The following NRXN1 variants were observed in gnomAD, a reference collection of about 807,000 sequenced individuals.
NRXN1 encodes neurexin-1.
Under a neutral mutation model 150.9 loss-of-function variants are expected in NRXN1, and 39 were observed. That is an observed-to-expected ratio of 0.26 (90% confidence interval 0.20 to 0.34). The LOEUF (loss-of-function observed/expected upper bound fraction) is 0.34. Ranked by LOEUF, NRXN1 falls within the 10% of genes least tolerant of loss-of-function variation. The pLI, the probability that NRXN1 is intolerant of heterozygous loss-of-function variation, is 1.00. For missense variants in NRXN1, 1,815 were observed against 1,949.9 expected (o/e 0.93, Z 1.30); for synonymous variants, 924 against 757.0 (o/e 1.22, Z -3.62).
At chr2:50,749,624 T>C (rs187919206) in intron 5 of NRXN1, among the ~76,000 whole-genome samples, 78 of 152,200 alleles carry the variant, frequency 5.1e-4, no homozygotes, top group Non-Finnish European at 1.5e-5. Context: ...AGGAAGAATA[T>C]GACACATTTA....
chr2:50,034,749 T>C (rs1413301884), intron 21 of NRXN1, among the ~76,000 whole-genome samples: 1 of 152,102 alleles, frequency 6.6e-6, no homozygotes, highest in Non-Finnish European at 1.5e-5. Flanking sequence ...TGGTTTTGTA[T>C]ATGACTCAAA....
chr2:50,980,936 T>G (rs1696685072), intron 2 of NRXN1, among the ~76,000 whole-genome samples: 3 of 152,056 alleles, frequency 2.0e-5, no homozygotes, highest in Non-Finnish European at 4.4e-5. Flanking sequence ...CTTTAACACT[T>G]TAGGGCAACA....
chr2:50,620,062 C>G lies in NRXN1; in HGVS notation c.1280G>C (p.Gly427Ala). Residue 427 changes from glycine (G) to alanine (A), a missense_variant, in exon 8 of 23, where the codon GGG becomes GCG. Transcript: ENST00000401669. ...GGSPSTADLP[G>A]SPVSNNFMGC... Reference sequence around the variant, plus strand: ...CATAAAGTTGTTACTGACTGGTGACCCTGGAAGGTCGGCTGTGCTGGGACT... The same window carrying G: ...CATAAAGTTGTTACTGACTGGTGACGCTGGAAGGTCGGCTGTGCTGGGACT... The G allele has an allele frequency of 6.2e-7, 1 of 1,610,330 alleles. No individual in the cohort carries two copies. The highest frequency in any genetic ancestry group is 8.5e-7 in the Non-Finnish European group (1 of 1,177,936).
chr2:50,212,076 G>A (rs781780517), intron 18 of NRXN1, among the ~76,000 whole-genome samples: 1 of 151,540 alleles, frequency 6.6e-6, no homozygotes, highest in Non-Finnish European at 1.5e-5. Flanking sequence ...AAAGTTTCCT[G>A]TCCTTAAAAC....
rs61264442 is a variant in NRXN1, at chr2:50,033,969, GAA to G, written c.4128+19300_4128+19301del. Among the ~76,000 whole-genome samples, 468 of 109,946 alleles carry G rather than the reference GAA, an allele frequency of 4.3e-3. 3 individuals are homozygous for G. The highest frequency in any genetic ancestry group is 0.013 in the African/African-American group (418 of 31,466). 72.1% of individuals were successfully genotyped at this position (109,946 alleles called of 152,430 possible). On this transcript the variant is annotated intron_variant, in intron 21 of 22. Transcript: ENST00000401669. ...CCAGAATGGCTATTATTAAAAAGTG[GAA>G]AAAAAAAAAAAAAACAAACAGCAGG...
At chr2:50,948,496 C>A (rs1288613342) in intron 2 of NRXN1, among the ~76,000 whole-genome samples, 3 of 152,090 alleles carry the variant, frequency 2.0e-5, no homozygotes, top group South Asian at 4.1e-4. Context: ...GTACTCTGGG[C>A]AGGTTAATAT....
chr2:50,347,055 G>A lies in NRXN1; in HGVS notation c.3365-110085C>T. The A allele has an allele frequency of 7.3e-7, 1 of 1,378,610 alleles. No individual in the cohort carries two copies. Among genetic ancestry groups the A allele is most frequent in the South Asian group, 1.2e-5 (1 of 81,700 alleles). The allele number at this position is 1,378,610 out of a possible 1,614,324, so 85.4% of individuals were successfully genotyped here. ...GCGGCGCGGAGTGGGCTGAGGGGCC[G>A]GCCGCCTCACCGCGCCAGGGCACCC... is the stretch of plus-strand genomic sequence containing the variant. On this transcript the variant is annotated intron_variant, in intron 17 of 22. Transcript: ENST00000401669. This position sits in a 1 kb window ranked among gnomAD's most constrained non-coding sequence, Gnocchi z 4.9.
chr2:50,951,967 T>A (rs867260465), intron 2 of NRXN1, among the ~76,000 whole-genome samples: 61 of 124,350 alleles, frequency 4.9e-4, no homozygotes, highest in Middle Eastern at 8.3e-3. Context: ...ATATATATTT[T>A]TTTTTTTTTT....
intron 5 of NRXN1, among the ~76,000 whole-genome samples, chr2:50,889,272 T>C (rs570965878): frequency 6.6e-6 from 1 of 151,816 alleles, no homozygotes; most frequent in African/African-American, 2.4e-5. Flanking sequence ...AGACGGGAAG[T>C]GTTCTCTGAG....
chr2:50,393,001 C>T (rs892391891), intron 17 of NRXN1, among the ~76,000 whole-genome samples: 1 of 151,910 alleles, frequency 6.6e-6, no homozygotes, highest in East Asian at 1.9e-4. Context: ...GACATGGAAA[C>T]ATTCCCGGGA....
At chr2:50,324,987 A>T (rs1199400911) in intron 17 of NRXN1, among the ~76,000 whole-genome samples, 1 of 152,178 alleles carries the variant, frequency 6.6e-6, no homozygotes, top group Non-Finnish European at 1.5e-5. Flanking sequence ...TTTCAGGTGG[A>T]AAAAGCCCAC....
At chr2:50,359,231 G>A (rs2079022714) in intron 17 of NRXN1, among the ~76,000 whole-genome samples, 1 of 151,984 alleles carries the variant, frequency 6.6e-6, no homozygotes, top group Non-Finnish European at 1.5e-5. Flanking sequence ...CTGCAAGCAA[G>A]GGAACAAAAC....
intron 5 of NRXN1, among the ~76,000 whole-genome samples, chr2:50,875,551 G>A (rs1208452625): frequency 1.3e-5 from 2 of 151,526 alleles, no homozygotes; most frequent in African/African-American, 2.4e-5. Flanking sequence ...TTTCAAGCTT[G>A]CTCTTGGGAA....
At chr2:50,025,629 G>A (rs573062958) in intron 21 of NRXN1, among the ~76,000 whole-genome samples, 1 of 152,114 alleles carries the variant, frequency 6.6e-6, no homozygotes, top group Non-Finnish European at 1.5e-5. Context: ...AAAATGCTTT[G>A]GGGTATCTAC....
At chr2:50,098,680 T>C (rs1700562371) in intron 18 of NRXN1, among the ~76,000 whole-genome samples, 1 of 152,128 alleles carries the variant, frequency 6.6e-6, no homozygotes, top group South Asian at 2.1e-4. Flanking sequence ...TTATGGGTAC[T>C]GAAATATGAC....
intron 5 of NRXN1, among the ~76,000 whole-genome samples, chr2:50,886,523 G>T (rs1680272569): frequency 1.3e-5 from 2 of 151,412 alleles, no homozygotes; most frequent in South Asian, 4.1e-4. Flanking sequence ...AATCTCATAA[G>T]ATTTGAGATG....
At chr2:50,200,871 T>A (rs1296270679) in intron 18 of NRXN1, among the ~76,000 whole-genome samples, 2 of 152,166 alleles carry the variant, frequency 1.3e-5, no homozygotes, top group Non-Finnish European at 2.9e-5. Flanking sequence ...CGTCTTCCTA[T>A]TTCTTTTTTT....
At chr2:49,930,367 A>G (rs2104172740) in intron 22 of NRXN1, among the ~76,000 whole-genome samples, 1 of 152,276 alleles carries the variant, frequency 6.6e-6, no homozygotes, top group East Asian at 1.9e-4. Context: ...AAGAGTAAAT[A>G]CCTCTAAAAT....
chr2:50,037,260 G>A (rs901444382), intron 21 of NRXN1, among the ~76,000 whole-genome samples: 1 of 151,534 alleles, frequency 6.6e-6, no homozygotes, highest in Non-Finnish European at 1.5e-5. Flanking sequence ...GTCAGTTTCT[G>A]GGCTTCTTTT....
Sources: gnomAD v4.1 joint callset for allele counts (sites outside exome capture counted in the v4.1 genomes callset) on GRCh38, gnomAD v4.1.1 for gene constraint, Gnocchi (gnomAD v3.1) non-coding constraint, MANE v1.5 for transcripts, NCBI Gene and HGNC (gene_info 2026-07-23, HGNC 2026-07-21) for gene names.